The following NFAM1 variants were observed in gnomAD, a reference collection of about 807,000 sequenced individuals.
The protein encoded by NFAM1 is NFAT activating protein with ITAM motif 1, also known as NFAT activation molecule 1.
NFAM1 carries 17 observed loss-of-function variants against 29.0 expected under a neutral mutation model. The observed-to-expected ratio is 0.59, with a 90% CI of 0.40 to 0.88. NFAM1 has a LOEUF of 0.88. Among genes scored for constraint, NFAM1 ranks in the 40% least tolerant of loss-of-function variants. NFAM1 has a pLI of 0.00. For missense variants in NFAM1, 324 were observed against 344.6 expected (o/e 0.94, Z 0.47); for synonymous variants, 175 against 147.2 (o/e 1.19, Z -1.36).
chr22:42,435,964 C>T (rs1393421408), upstream of NFAM1, among the ~76,000 whole-genome samples: 4 of 152,002 alleles, frequency 2.6e-5, no homozygotes, highest in South Asian at 2.1e-4. Flanking sequence ...GGATTACAGG[C>T]GCCTGCCACC....
chr22:42,404,038 C>T (rs544118196), intron 3 of NFAM1, among the ~76,000 whole-genome samples: 180 of 152,288 alleles, frequency 1.2e-3, no homozygotes, highest in Middle Eastern at 3.4e-3. Flanking sequence ...TCATCCATTC[C>T]TGGGCTCTAC....
Position 42,411,654 on chromosome 22 carries a change from G to C in NFAM1, c.204C>G (p.Thr68=), listed in dbSNP as rs752859366. The C allele has an allele frequency of 1.4e-5, 22 of 1,613,944 alleles. No homozygotes were observed. The South Asian group carries it at 2.2e-4, about 16-fold the overall frequency. ...CCTTGAATTGGGGAGTGTATGGATA[G>C]GTGATCCTGCAGCTGAAGGAGATAG... The part of the protein sequence containing the change: ...NTAISFSCRI[T]YPYTPQFKVF... The change falls in exon 2 of 6, where the codon ACC becomes ACG. Residue 68 remains threonine, a synonymous_variant. Coordinates refer to ENST00000329021, the MANE Select transcript of NFAM1 (RefSeq NM_145912.8).
chr22:42,401,730 G>A (rs1032420283), intron 3 of NFAM1, among the ~76,000 whole-genome samples: 5 of 152,146 alleles, frequency 3.3e-5, no homozygotes, highest in African/African-American at 7.2e-5. Flanking sequence ...AGCTCTCTGT[G>A]GTCCAAGTCT....
chr22:42,399,122 C>A (rs1225334400), intron 3 of NFAM1, among the ~76,000 whole-genome samples: 1 of 152,050 alleles, frequency 6.6e-6, no homozygotes, highest in Non-Finnish European at 1.5e-5. Context: ...GGTGCCAAGG[C>A]CTGGAGGTCT....
chr22:42,409,683 C>T lies in NFAM1; in HGVS notation c.452-136G>A. ...ACACGCTCCACACCCCACTAGGCCC[C>T]CTGGGAGCCAGGGTTCGGGCCTTCA... On this transcript the variant is annotated intron_variant, in intron 2 of 5. Transcript: ENST00000329021. The surrounding 1 kb of genome is among the most constrained non-coding windows in gnomAD (Gnocchi z 4.9). The T allele has an allele frequency of 2.4e-6, 1 of 420,306 alleles. No homozygotes were observed. Among genetic ancestry groups the T allele is most frequent in the Non-Finnish European group, 4.2e-6 (1 of 236,074 alleles). The allele number at this position is 420,306 out of a possible 1,614,324, so 26.0% of individuals were successfully genotyped here. A position where few individuals can be genotyped will look rare whatever the true frequency, so the allele number is the denominator to read the frequency against.
chr22:42,398,740 C>A (rs1929622803), intron 3 of NFAM1, among the ~76,000 whole-genome samples: 1 of 152,122 alleles, frequency 6.6e-6, no homozygotes, highest in Admixed American at 6.6e-5. Flanking sequence ...CAGCAATAAC[C>A]CTCTTTTGTG....
chr22:42,417,063 A>G (rs1467210104), intron 1 of NFAM1, among the ~76,000 whole-genome samples: 3 of 152,076 alleles, frequency 2.0e-5, no homozygotes, highest in Non-Finnish European at 2.9e-5. Context: ...CCTCCCCCGC[A>G]CCTGACAAGG....
intron 5 of NFAM1, among the ~76,000 whole-genome samples, chr22:42,386,024 T>G (rs1929126446): frequency 6.6e-6 from 1 of 152,112 alleles, no homozygotes; most frequent in Non-Finnish European, 1.5e-5. Context: ...TCAGAGGCAG[T>G]TGGTATTGCA....
intron 1 of NFAM1, among the ~76,000 whole-genome samples, chr22:42,423,696 G>C (rs749002441): frequency 1.1e-4 from 16 of 151,598 alleles, no homozygotes; most frequent in Non-Finnish European, 2.1e-4. Flanking sequence ...TCCAGCCTGG[G>C]TGACAGTATG....
rs1003883049 is a variant in NFAM1 at position 42,382,642 on chromosome 22, C to T, written c.*2519G>A. ...CACCCTGAAGTTCCCTGCCACCCCTCGCCCTGTGCCAGCTTGTCTCTGCAG... is the reference window on the plus strand; with the variant it reads ...CACCCTGAAGTTCCCTGCCACCCCTTGCCCTGTGCCAGCTTGTCTCTGCAG... On this transcript the variant is annotated 3_prime_UTR_variant, in exon 6 of 6. Transcript: ENST00000329021. The T allele has an allele frequency of 6.5e-6, 1 of 152,688 alleles. No individual in the cohort carries two copies. The highest frequency in any genetic ancestry group is 1.5e-5 in the Non-Finnish European group (1 of 68,328). 9.5% of individuals were successfully genotyped at this position (152,688 alleles called of 1,614,324 possible).
chr22:42,414,707 C>A (rs143702664), intron 1 of NFAM1, among the ~76,000 whole-genome samples: 1 of 151,954 alleles, frequency 6.6e-6, no homozygotes, highest in Non-Finnish European at 1.5e-5. Flanking sequence ...GTGGCCCCCT[C>A]GACCTGTGAC....
intron 1 of NFAM1, among the ~76,000 whole-genome samples, chr22:42,430,521 T>C (rs1018111844): frequency 8.5e-5 from 12 of 141,116 alleles, no homozygotes; most frequent in Non-Finnish European, 1.2e-4. Flanking sequence ...GATGGCGCCA[T>C]TGCACTTCAG....
At position 42,385,065 on chromosome 22, in the gene NFAM1, G is replaced by A. The variant is rs12484478; in HGVS notation, c.*96C>T. 114,565 of 886,990 alleles carry A rather than the reference G, an allele frequency of 0.13. 9,736 individuals carry two copies. The highest frequency in any genetic ancestry group is 0.34 in the Admixed American group (19,767 of 58,668). 54.9% of individuals were successfully genotyped at this position (886,990 alleles called of 1,614,324 possible). A position where few individuals can be genotyped will look rare whatever the true frequency, so the allele number is the denominator to read the frequency against. ...GAGGGTGAAATGATGGGGTGTCCCT[G>A]GGGGCCTTACTCCCAACTCAGATCA... On this transcript the variant is annotated 3_prime_UTR_variant, in exon 6 of 6. Coordinates refer to ENST00000329021, the MANE Select transcript of NFAM1 (RefSeq NM_145912.8).
At chr22:42,405,799 G>A (rs73886084) in intron 3 of NFAM1, among the ~76,000 whole-genome samples, 4,261 of 152,268 alleles carry the variant, frequency 0.028, 204 homozygotes, top group African/African-American at 0.099. Context: ...TCACCCTGAA[G>A]CTCATTAACA....
intron 4 of NFAM1, 33 bp downstream of exon 4, chr22:42,397,825 G>T (rs1358390325): frequency 8.4e-7 from 1 of 1,197,436 alleles, no homozygotes; most frequent in Non-Finnish European, 1.3e-6. Context: ...AGGCCTGAAA[G>T]AGGTGGAGGG....
chr22:42,390,590 G>T (rs1929301339), intron 4 of NFAM1, among the ~76,000 whole-genome samples: 1 of 152,186 alleles, frequency 6.6e-6, no homozygotes, highest in Non-Finnish European at 1.5e-5. Context: ...GCTGAGGAGG[G>T]CAGGTCACCT....
chr22:42,437,986 CG>C, the NFAM1 span: 1 of 152,330 alleles, frequency 6.6e-6, no homozygotes, highest in Non-Finnish European at 1.5e-5. Context: ...ACAGTCTCCT[CG>C]GGGGCAGCCG....
Position 42,384,072 on chromosome 22 carries a change from T to C in NFAM1, c.*1089A>G, listed in dbSNP as rs1163174405. On this transcript the variant is annotated 3_prime_UTR_variant, in exon 6 of 6. Coordinates refer to ENST00000329021, the MANE Select transcript of NFAM1 (RefSeq NM_145912.8). ...TTGAGCTTCTGCCTCAGAGGGACCT[T>C]CCGGCTGCCATTGAGGGTCCCAGCA... The C allele has an allele frequency of 2.0e-5, 3 of 152,628 alleles. No homozygotes were observed. Among genetic ancestry groups the C allele is most frequent in the Non-Finnish European group, 2.9e-5 (2 of 68,110 alleles). 9.5% of individuals were successfully genotyped at this position (152,628 alleles called of 1,614,324 possible). A position where few individuals can be genotyped will look rare whatever the true frequency, so the allele number is the denominator to read the frequency against.
intron 3 of NFAM1, among the ~76,000 whole-genome samples, chr22:42,401,876 G>A (rs1929736804): frequency 6.6e-6 from 1 of 152,172 alleles, no homozygotes; most frequent in Admixed American, 6.5e-5. Flanking sequence ...TAAAATGGGA[G>A]CAATAATGTG....
Sources: gnomAD v4.1 joint callset for allele counts (sites outside exome capture counted in the v4.1 genomes callset) on GRCh38, gnomAD v4.1.1 for gene constraint, Gnocchi (gnomAD v3.1) non-coding constraint, MANE v1.5 for transcripts, NCBI Gene and HGNC (gene_info 2026-07-23, HGNC 2026-07-21) for gene names.